WDR48: variants seen among roughly 807,000 people sequenced by gnomAD.
WDR48 encodes the protein WD repeat domain 48, also known as WD repeat-containing protein 48.
In WDR48, 22 loss-of-function variants were observed where a neutral mutation model predicts 94.0. The ratio of observed to expected loss-of-function variants is 0.23; its 90% CI spans 0.17 to 0.33. WDR48 has a LOEUF of 0.33. WDR48 is among the 10% of genes least tolerant of loss of function. The pLI, the probability that WDR48 is intolerant of heterozygous loss-of-function variation, is 1.00. For missense variants in WDR48, 541 were observed against 813.8 expected (o/e 0.66, Z 4.08); for synonymous variants, 278 against 280.5 (o/e 0.99, Z 0.09).
chr3:39,071,775 C>G (rs2033947007), intron 7 of WDR48, among the ~76,000 whole-genome samples: 1 of 152,028 alleles, frequency 6.6e-6, no homozygotes, highest in South Asian at 2.1e-4. Flanking sequence ...AAATTACCAC[C>G]AACAACCAAG....
Position 39,090,337 on chromosome 3 carries a change from G to A in WDR48, c.1668+1019G>A, listed in dbSNP as rs547859760. ...ATTTTTCTTACTGATTTGTGGGGTGGTGGTTTATATTGAATATTAACCCTT... is the reference window on the plus strand; with the variant it reads ...ATTTTTCTTACTGATTTGTGGGGTGATGGTTTATATTGAATATTAACCCTT... On this transcript the variant is annotated intron_variant, in intron 16 of 18. Transcript: ENST00000302313. The A allele has an allele frequency of 7.2e-5, 11 of 152,222 alleles. No homozygotes were observed. In the East Asian group the frequency reaches 1.7e-3, roughly 24 times the overall value. 9.4% of individuals were successfully genotyped at this position (152,222 alleles called of 1,614,324 possible).
At chr3:39,052,229 A>C in intron 1 of WDR48, 156 bp downstream of exon 1, 1 of 841,152 alleles carries the variant, frequency 1.2e-6, no homozygotes, top group Non-Finnish European at 1.8e-6. Flanking sequence ...CGCGGCGCTA[A>C]CGGCTTGAGG....
chr3:39,080,187 T>A (rs79421753), intron 11 of WDR48, among the ~76,000 whole-genome samples: 5,319 of 152,242 alleles, frequency 0.035, 189 homozygotes, highest in East Asian at 0.16. Flanking sequence ...CACCCAGTAG[T>A]TGCCAGTAAT....
chr3:39,094,916 GTCTCC>G lies in WDR48; in HGVS notation c.*174_*178del. On this transcript the variant is annotated 3_prime_UTR_variant, in exon 19 of 19. Transcript: ENST00000302313. Reference sequence around the variant, plus strand: ...TAATCGAGATGTAATATAGAAACCAGTCTCCATGTGTAGATTAAGCTGTCCCCAGG... The same window carrying G: ...TAATCGAGATGTAATATAGAAACCAGATGTGTAGATTAAGCTGTCCCCAGG... The G allele has an allele frequency of 2.4e-6, 2 of 830,038 alleles. No homozygotes were observed. Among genetic ancestry groups the G allele is most frequent in the Non-Finnish European group, 3.7e-6 (2 of 543,754 alleles). The allele number at this position is 830,038 out of a possible 1,614,324, so 51.4% of individuals were successfully genotyped here.
intron 5 of WDR48, 55 bp from the exon 6 acceptor site, chr3:39,068,716 A>G: frequency 2.1e-5 from 28 of 1,329,858 alleles, no homozygotes; most frequent in Non-Finnish European, 3.0e-5. Flanking sequence ...TTTGCTGACT[A>G]GTTACTAAAC....
In WDR48 at chr3:39,069,524, C is replaced by T. The variant is rs1189591562; in HGVS notation, c.571-119C>T. The T allele has an allele frequency of 1.1e-5, 9 of 839,188 alleles. No individual in the cohort carries two copies. In the East Asian group the frequency reaches 2.2e-4, roughly 20 times the overall value. The allele number at this position is 839,188 out of a possible 1,614,324, so 52.0% of individuals were successfully genotyped here. On this transcript the variant is annotated intron_variant, in intron 6 of 18. Coordinates refer to ENST00000302313, the MANE Select transcript of WDR48 (RefSeq NM_020839.4). ...GGGAGGCTTAGACAGTGTCCATTGG[C>T]AGAAGTGGTATTGCCTTCTCAGAAT...
chr3:39,086,861 G>A (rs767958965), intron 14 of WDR48, among the ~76,000 whole-genome samples: 4 of 152,172 alleles, frequency 2.6e-5, no homozygotes, highest in Non-Finnish European at 5.9e-5. Context: ...ACATCAGACT[G>A]CATGGGAAAG....
At chr3:39,073,104 T>C (rs2034028590) in intron 7 of WDR48, among the ~76,000 whole-genome samples, 1 of 152,190 alleles carries the variant, frequency 6.6e-6, no homozygotes, top group Non-Finnish European at 1.5e-5. Context: ...ACTCTGTAGA[T>C]GCATAGTCTA....
At chr3:39,052,170 C>G (rs1022569360) in intron 1 of WDR48, 97 bp downstream of exon 1, 1 of 1,478,208 alleles carries the variant, frequency 6.8e-7, no homozygotes, top group Non-Finnish European at 9.3e-7. Flanking sequence ...GCTGGGGTAG[C>G]GGCATGGGGC....
At chr3:39,058,644 T>C (rs2033054578) in intron 1 of WDR48, among the ~76,000 whole-genome samples, 4 of 152,188 alleles carry the variant, frequency 2.6e-5, no homozygotes, top group Admixed American at 2.6e-4. Context: ...CTGGTGGCTT[T>C]GGAAAGCCAA....
chr3:39,083,358 G>T (rs144240143), intron 11 of WDR48, among the ~76,000 whole-genome samples: 1 of 152,284 alleles, frequency 6.6e-6, no homozygotes, highest in East Asian at 1.9e-4. Context: ...TCAGATGTAA[G>T]AAATTTGAGC....
In WDR48 at chr3:39,077,353, G is replaced by C. The variant is rs192780605; in HGVS notation, c.972+140G>C. On this transcript the variant is annotated intron_variant, in intron 9 of 18. Transcript: ENST00000302313. ...AGGGGCAAAAACCTGAAAGCCCTGTGAATGTAGGTAGAATCCTAAAGATCA... is the reference window on the plus strand; with the variant it reads ...AGGGGCAAAAACCTGAAAGCCCTGTCAATGTAGGTAGAATCCTAAAGATCA... 3,413 of 732,906 alleles carry C rather than the reference G, an allele frequency of 4.7e-3. 13 individuals carry two copies. Among genetic ancestry groups the C allele is most frequent in the Non-Finnish European group, 6.2e-3 (2,727 of 442,166 alleles). 45.4% of individuals were successfully genotyped at this position (732,906 alleles called of 1,614,324 possible). A position where few individuals can be genotyped will look rare whatever the true frequency, so the allele number is the denominator to read the frequency against.
chr3:39,053,586 A>G (rs1194639552), intron 1 of WDR48, among the ~76,000 whole-genome samples: 1 of 152,026 alleles, frequency 6.6e-6, no homozygotes, highest in Non-Finnish European at 1.5e-5. Context: ...TGTATTATAG[A>G]CTCTATGGTG....
chr3:39,091,099 C>G (rs547597827), intron 16 of WDR48: 1 of 152,406 alleles, frequency 6.6e-6, no homozygotes, highest in South Asian at 2.1e-4. Flanking sequence ...TGGTAGACAT[C>G]TGGGTTCTTG....
chr3:39,076,471 A>G (rs529301662), intron 8 of WDR48, among the ~76,000 whole-genome samples: 1 of 152,322 alleles, frequency 6.6e-6, no homozygotes, highest in African/African-American at 2.4e-5. Context: ...TGGCACAAAC[A>G]TAATTATATG....
chr3:39,079,942 C>T, intron 11 of WDR48, 134 bp downstream of exon 11: 1 of 467,844 alleles, frequency 2.1e-6, no homozygotes, highest in Non-Finnish European at 3.7e-6. Flanking sequence ...TATATACTTT[C>T]TTATATGAAT....
intron 13 of WDR48, 87 bp from the exon 14 acceptor site, chr3:39,085,428 C>G: frequency 9.2e-7 from 1 of 1,086,280 alleles, no homozygotes; most frequent in Admixed American, 2.0e-5. Flanking sequence ...AGAATATGTA[C>G]AAACTTACAA....
At chr3:39,072,622 C>T (rs2034001842) in intron 7 of WDR48, among the ~76,000 whole-genome samples, 1 of 152,180 alleles carries the variant, frequency 6.6e-6, no homozygotes. Flanking sequence ...GACTATTCCA[C>T]TAAATCTGAT....
At chr3:39,091,775 G>C (rs2035084061) in intron 17 of WDR48, 74 bp downstream of exon 17, 1 of 1,224,344 alleles carries the variant, frequency 8.2e-7, no homozygotes, top group Non-Finnish European at 1.1e-6. Context: ...TGCTTTTATA[G>C]CAAAGGAAGC....
Sources: gnomAD v4.1 joint callset for allele counts (sites outside exome capture counted in the v4.1 genomes callset) on GRCh38, gnomAD v4.1.1 for gene constraint, MANE v1.5 for transcripts, NCBI Gene and HGNC (gene_info 2026-07-23, HGNC 2026-07-21) for gene names.